RPL23: variants seen among roughly 807,000 people sequenced by gnomAD.
RPL23 encodes the protein ribosomal protein L23, also known as large ribosomal subunit protein uL14.
For synonymous variants in RPL23, 63 were observed against 65.3 expected, an observed-to-expected ratio of 0.97 and a Z score of 0.17; for missense variants, 79 against 178.8, an observed-to-expected ratio of 0.44 and a Z score of 3.18.
At chr17:38,853,281 G>A (rs796774396) in intron 1 of RPL23, 176 bp from the exon 2 acceptor site, 2 of 655,412 alleles carry the variant, frequency 3.1e-6, no homozygotes, top group East Asian at 2.7e-5. Context: ...CGATTCTCAC[G>A]GAAAGTAGCC....
intron 1 of RPL23, 173 bp downstream of exon 1, chr17:38,853,525 G>A (rs1913068310): frequency 1.3e-6 from 1 of 774,978 alleles, no homozygotes; most frequent in South Asian, 1.5e-5. Flanking sequence ...CAACTCTCCA[G>A]CACCCCACTG....
chr17:38,853,337 A>G, intron 1 of RPL23: 1 of 673,840 alleles, frequency 1.5e-6, no homozygotes, highest in Non-Finnish European at 2.8e-6. Context: ...AGAAACCTAG[A>G]CGACTCAACC....
chr17:38,849,884 C>T lies in RPL23; in HGVS notation c.*248G>A. 1 of 385,134 alleles carries T rather than the reference C, an allele frequency of 2.6e-6. No individual in the cohort carries two copies. Among genetic ancestry groups the T allele is most frequent in the Admixed American group, 4.2e-5 (1 of 23,832 alleles). 23.9% of individuals were successfully genotyped at this position (385,134 alleles called of 1,614,324 possible). A position where few individuals can be genotyped will look rare whatever the true frequency, so the allele number is the denominator to read the frequency against. ...GGGTATGTCAAAAACACTGTAGAGG[C>T]CTGGGTGGGCAGATCACTTGAGATC... is the stretch of plus-strand genomic sequence containing the variant. On this transcript the variant is annotated 3_prime_UTR_variant, in exon 5 of 5. Coordinates refer to ENST00000479035, the MANE Select transcript of RPL23 (RefSeq NM_000978.4).
intron 1 of RPL23, 76 bp downstream of exon 1, chr17:38,853,622 A>C: frequency 6.3e-7 from 1 of 1,581,020 alleles, no homozygotes; most frequent in African/African-American, 1.3e-5. Context: ...CCAGCTGCCT[A>C]GGGCCACCGC....
In RPL23 at chr17:38,848,242, A is replaced by G; in HGVS notation, c.*1890T>C. The stretch of plus-strand genomic sequence containing the variant: ...AACTCTCTAAAACTAGAGATTTAAT[A>G]CATTTTTTTTCTTTCCCCCCAGAGT... On this transcript the variant is annotated 3_prime_UTR_variant, in exon 5 of 5. Transcript: ENST00000479035. 1 of 693,688 alleles carries G rather than the reference A, an allele frequency of 1.4e-6. No individual in the cohort carries two copies. Among genetic ancestry groups the G allele is most frequent in the Non-Finnish European group, 2.0e-6 (1 of 496,022 alleles). The allele number at this position is 693,688 out of a possible 1,614,324, so 43.0% of individuals were successfully genotyped here.
intron 3 of RPL23, 133 bp downstream of exon 3, chr17:38,852,471 C>G: frequency 8.7e-7 from 1 of 1,153,286 alleles, no homozygotes; most frequent in South Asian, 1.5e-5. Context: ...TGAGCAAAAA[C>G]TTAAGATACT....
At position 38,849,935 on chromosome 17, in the gene RPL23, T is replaced by C. The variant is rs1912953513; in HGVS notation, c.*197A>G. 3 of 486,184 alleles carry C rather than the reference T, an allele frequency of 6.2e-6. No individual in the cohort carries two copies. The South Asian group carries it at 9.1e-5, about 15-fold the overall frequency. 30.1% of individuals were successfully genotyped at this position (486,184 alleles called of 1,614,324 possible). On this transcript the variant is annotated 3_prime_UTR_variant, in exon 5 of 5. Coordinates refer to ENST00000479035, the MANE Select transcript of RPL23 (RefSeq NM_000978.4). ...AGGAGTTTGAGTCGTTTGGCAAACA[T>C]GGTGAAACCCTGTCTCCACCAAAAA...
Position 38,848,285 on chromosome 17 carries a change from C to A in RPL23, c.*1847G>T, listed in dbSNP as rs11658860. 2.5e-6 allele frequency: 1 copy of A among 400,468 alleles called. No individual in the cohort carries two copies. Among genetic ancestry groups the A allele is most frequent in the Non-Finnish European group, 4.1e-6 (1 of 245,728 alleles). The allele number at this position is 400,468 out of a possible 1,614,324, so 24.8% of individuals were successfully genotyped here. ...CCCAGAGTTTCACTGGTTGCCCAGG[C>A]TGGAGCACAATCGTGCGACCTCAGC... On this transcript the variant is annotated 3_prime_UTR_variant, in exon 5 of 5. Coordinates refer to ENST00000479035, the MANE Select transcript of RPL23 (RefSeq NM_000978.4).
chr17:38,853,418 G>T, intron 1 of RPL23: 1 of 715,432 alleles, frequency 1.4e-6, no homozygotes, highest in Non-Finnish European at 2.6e-6. Context: ...GCAAACCAGG[G>T]CCTAATCCAG....
intron 2 of RPL23, 35 bp from the exon 3 acceptor site, chr17:38,852,767 G>A: frequency 6.2e-7 from 1 of 1,613,714 alleles, no homozygotes; most frequent in African/African-American, 1.3e-5. Flanking sequence ...AAAAAATGTT[G>A]AGGGCCATCA....
intron 3 of RPL23, chr17:38,852,403 C>CA (rs1913028894): frequency 1.6e-6 from 1 of 606,670 alleles, no homozygotes; most frequent in Non-Finnish European, 2.8e-6. Flanking sequence ...AAAACAACAA[C>CA]AAAAAAACAA....
rs1486260931 is a variant in RPL23 at position 38,849,273 on chromosome 17, AACTC to A, written c.*855_*858del. Reference sequence around the variant, plus strand: ...CTGCTAAAATGTACATACATAAACAAACTCACATCATTCCTCAAAATCCATGTGT... The same window carrying A: ...CTGCTAAAATGTACATACATAAACAAACATCATTCCTCAAAATCCATGTGT... On this transcript the variant is annotated 3_prime_UTR_variant, in exon 5 of 5. Transcript: ENST00000479035. 2.0e-5 allele frequency: 3 copies of A among 151,852 alleles called. No individual in the cohort carries two copies. The highest frequency in any genetic ancestry group is 4.8e-5 in the African/African-American group (2 of 41,298). The allele number at this position is 151,852 out of a possible 1,614,324, so 9.4% of individuals were successfully genotyped here.
chr17:38,850,224 AAAAAT>A lies in RPL23; in HGVS notation c.341-15_341-11del, dbSNP rs540966358. Reference sequence around the variant, plus strand: ...CCTGTAATGGCAGAACCTGCATTAAAAAAATAAAATAAAATAAAATAAAAACATGT... The same window carrying A: ...CCTGTAATGGCAGAACCTGCATTAAAAAAATAAAATAAAATAAAAACATGT... On this transcript the variant is annotated splice_polypyrimidine_tract_variant and intron_variant, in intron 4 of 4. Transcript: ENST00000479035. 1.3e-4 allele frequency: 203 copies of A among 1,586,244 alleles called. No homozygotes were observed. Among genetic ancestry groups the A allele is most frequent in the Middle Eastern group, 6.4e-4 (3 of 4,662 alleles).
chr17:38,853,254 C>T, intron 1 of RPL23, 149 bp from the exon 2 acceptor site: 1 of 686,892 alleles, frequency 1.5e-6, no homozygotes, highest in Non-Finnish European at 2.6e-6. Context: ...TTACTTATGC[C>T]GTCCCCATGT....
Position 38,853,077 on chromosome 17 carries a change from G to C in RPL23, c.42C>G (p.Phe14Leu), listed in dbSNP as rs921576707. 6.2e-7 allele frequency: 1 copy of C among 1,614,026 alleles called. No individual in the cohort carries two copies. Among genetic ancestry groups the C allele is most frequent in the Non-Finnish European group, 8.5e-7 (1 of 1,180,032 alleles). The change falls in exon 2 of 5, where the codon TTC becomes TTG. Residue 14 changes from phenylalanine to leucine, a missense_variant. Phe to Leu is a conservative substitution (Grantham distance 22). Transcript: ENST00000479035. The stretch of plus-strand genomic sequence containing the variant: ...CTACCGGAAGACCCAAGGAAATCCG[G>C]AATTTCGCACCAGAGGACCCACCAC... ...RGRGGSSGAK[F>L]RISLGLPVGA...
At position 38,848,627 on chromosome 17, in the gene RPL23, C is replaced by CA. The variant is rs1202937623; in HGVS notation, c.*1504dup. 2 of 152,224 alleles carry CA rather than the reference C, an allele frequency of 1.3e-5. No individual in the cohort carries two copies. The highest frequency in any genetic ancestry group is 4.8e-5 in the African/African-American group (2 of 41,454). 9.4% of individuals were successfully genotyped at this position (152,224 alleles called of 1,614,324 possible). On this transcript the variant is annotated 3_prime_UTR_variant, in exon 5 of 5. Coordinates refer to ENST00000479035, the MANE Select transcript of RPL23 (RefSeq NM_000978.4). ...ACCTTGACATCTCCTGGGAGCTTCA[C>CA]AATTCTGATGTCTGAGTCCTATTCT...
intron 3 of RPL23, chr17:38,851,736 A>G (rs1175169700): frequency 6.6e-6 from 1 of 152,206 alleles, no homozygotes; most frequent in Non-Finnish European, 1.5e-5. Context: ...TGAACAAAAA[A>G]CAATTTCTAA....
In RPL23 at chr17:38,848,363, C is replaced by T. The variant is rs796264820; in HGVS notation, c.*1769G>A. On this transcript the variant is annotated 3_prime_UTR_variant, in exon 5 of 5. Coordinates refer to ENST00000479035, the MANE Select transcript of RPL23 (RefSeq NM_000978.4). ...AAGCAATTCTCCTGCCTCAGCCTCC[C>T]AAGTAGCTGGGATTACAGCATGCAC... The T allele has an allele frequency of 1.5e-4, 28 of 192,360 alleles. No homozygotes were observed. The highest frequency in any genetic ancestry group is 4.2e-4 in the African/African-American group (18 of 42,748). The allele number at this position is 192,360 out of a possible 1,614,324, so 11.9% of individuals were successfully genotyped here.
chr17:38,853,162 C>A, intron 1 of RPL23, 57 bp from the exon 2 acceptor site: 1 of 1,349,636 alleles, frequency 7.4e-7, no homozygotes, highest in South Asian at 1.2e-5. Context: ...AGACATGGTT[C>A]GGAGTTCCCC....
Sources: gnomAD v4.1 joint callset for allele counts on GRCh38, gnomAD v4.1.1 for gene constraint, MANE v1.5 for transcripts, NCBI Gene and HGNC (gene_info 2026-07-23, HGNC 2026-07-21) for gene names.